CDH13: variants seen among roughly 807,000 people sequenced by gnomAD.
CDH13 encodes the protein cadherin 13.
A neutral mutation model predicts 63.8 loss-of-function variants in CDH13; 24 were observed. The ratio of observed to expected loss-of-function variants is 0.38; its 90% CI spans 0.27 to 0.53. The LOEUF is 0.53. Ranked by LOEUF, CDH13 falls within the 20% of genes least tolerant of loss-of-function variation. The pLI is 0.85. For synonymous variants in CDH13, 503 were observed against 355.3 expected (o/e 1.42, Z -4.67); for missense variants, 1,049 against 903.1 (o/e 1.16, Z -2.07).
intron 2 of CDH13, among the ~76,000 whole-genome samples, chr16:82,992,557 G>A (rs1911775065): frequency 6.6e-6 from 1 of 152,146 alleles, no homozygotes; most frequent in Admixed American, 6.5e-5. Flanking sequence ...ATTCTGCAGT[G>A]TTCTGGAACA....
intron 6 of CDH13, among the ~76,000 whole-genome samples, chr16:83,424,654 A>G (rs368924675): frequency 3.9e-5 from 6 of 152,244 alleles, no homozygotes; most frequent in African/African-American, 1.4e-4. Context: ...ACATTTTCAT[A>G]AATGGTTTTG....
At chr16:83,149,877 T>G (rs964111241) in intron 4 of CDH13, among the ~76,000 whole-genome samples, 1 of 152,212 alleles carries the variant, frequency 6.6e-6, no homozygotes, top group African/African-American at 2.4e-5. Context: ...AAACAAATAT[T>G]ACAAGTCAGG....
intron 1 of CDH13, among the ~76,000 whole-genome samples, chr16:82,676,330 C>T (rs944563812): frequency 5.3e-5 from 8 of 152,052 alleles, no homozygotes; most frequent in Admixed American, 3.3e-4. Context: ...CTAGTGTTCC[C>T]TACCTCATTC....
intron 11 of CDH13, among the ~76,000 whole-genome samples, chr16:83,774,152 A>G (rs1914948479): frequency 6.6e-6 from 1 of 152,174 alleles, no homozygotes; most frequent in Non-Finnish European, 1.5e-5. Flanking sequence ...TTTACTGTGC[A>G]TGGCCGGTGA....
chr16:83,248,873 C>T (rs190956123), intron 5 of CDH13, among the ~76,000 whole-genome samples: 1 of 152,324 alleles, frequency 6.6e-6, no homozygotes, highest in African/African-American at 2.4e-5. Flanking sequence ...TTGAATCATC[C>T]TCAAATGTGA....
At chr16:83,409,052 C>G (rs554125154) in intron 6 of CDH13, among the ~76,000 whole-genome samples, 55 of 151,958 alleles carry the variant, frequency 3.6e-4, no homozygotes, top group African/African-American at 1.2e-3. Context: ...GATGCTGAGG[C>G]AAGAAATCAA....
At chr16:83,551,056 A>ATATCTATCTATC (rs61159679) in intron 7 of CDH13, among the ~76,000 whole-genome samples, 14,350 of 148,056 alleles carry the variant, frequency 0.097, 861 homozygotes, top group South Asian at 0.17. Flanking sequence ...TAAGTCATTT[A>ATATCTATCTATC]TATCTATCTA....
chr16:82,965,240 G>A (rs563584110), intron 2 of CDH13, among the ~76,000 whole-genome samples: 2 of 152,146 alleles, frequency 1.3e-5, no homozygotes, highest in Admixed American at 1.3e-4. Context: ...CTAATACTTT[G>A]CTTCTTCCCT....
At chr16:83,670,738 A>G in intron 8 of CDH13, 52 bp from the exon 9 acceptor site, 1 of 1,527,160 alleles carries the variant, frequency 6.5e-7, no homozygotes, top group Admixed American at 1.7e-5. Context: ...GCATGTAGTA[A>G]ATGACTATGT....
chr16:83,091,689 G>C (rs958612149), intron 3 of CDH13, among the ~76,000 whole-genome samples: 1 of 152,182 alleles, frequency 6.6e-6, no homozygotes, highest in African/African-American at 2.4e-5. Context: ...TAAGGTTATA[G>C]TGAAAAATAT....
At chr16:82,963,095 G>A (rs573834353) in intron 2 of CDH13, among the ~76,000 whole-genome samples, 7 of 152,220 alleles carry the variant, frequency 4.6e-5, no homozygotes, top group African/African-American at 1.4e-4. Flanking sequence ...AACAGGCCAG[G>A]TGTGGTGGCT....
intron 6 of CDH13, among the ~76,000 whole-genome samples, chr16:83,413,031 C>A (rs571445351): frequency 6.6e-6 from 1 of 152,096 alleles, no homozygotes; most frequent in Non-Finnish European, 1.5e-5. Flanking sequence ...CATTTTATTC[C>A]ACTGTGCACG....
chr16:82,701,002 T>C (rs1249100612), intron 1 of CDH13, among the ~76,000 whole-genome samples: 2 of 97,038 alleles, frequency 2.1e-5, no homozygotes, highest in Non-Finnish European at 3.9e-5. Flanking sequence ...ACTGCTGTCC[T>C]GTGGATAGCC....
chr16:83,614,853 C>A (rs2150768480), intron 8 of CDH13, among the ~76,000 whole-genome samples: 1 of 152,334 alleles, frequency 6.6e-6, no homozygotes, highest in South Asian at 2.1e-4. Context: ...ACAGTACCCA[C>A]TCCATCTCAT....
chr16:83,527,509 C>T (rs1452179318), intron 7 of CDH13, among the ~76,000 whole-genome samples: 1 of 152,124 alleles, frequency 6.6e-6, no homozygotes, highest in Non-Finnish European at 1.5e-5. Flanking sequence ...TTGTCTTCTG[C>T]GTTAACCGCA....
chr16:83,239,857 G>C (rs1904304806), intron 5 of CDH13, among the ~76,000 whole-genome samples: 1 of 152,150 alleles, frequency 6.6e-6, no homozygotes, highest in African/African-American at 2.4e-5. Flanking sequence ...GGAGGATGGG[G>C]AATTTGTGGG....
intron 5 of CDH13, among the ~76,000 whole-genome samples, chr16:83,343,619 G>A (rs192654706): frequency 6.6e-6 from 1 of 152,286 alleles, no homozygotes; most frequent in Non-Finnish European, 1.5e-5. Flanking sequence ...AAGAATGTTT[G>A]TCTTTCATTT....
At chr16:82,720,732 A>T (rs558785355) in intron 1 of CDH13, among the ~76,000 whole-genome samples, 1 of 151,924 alleles carries the variant, frequency 6.6e-6, no homozygotes, top group Admixed American at 6.6e-5. Context: ...AAACAGCATT[A>T]TATGATGTCT....
rs572415529 is a variant in CDH13, at chr16:83,249,088, A to G, written c.636+31591A>G. The stretch of plus-strand genomic sequence containing the variant: ...TAACTTTGAGTAGAGCAGTACTACT[A>G]AAACACAAATTCACCAACTTTTCTC... On this transcript the variant is annotated intron_variant, in intron 5 of 13. Transcript: ENST00000567109. Among the ~76,000 whole-genome samples the G allele has an allele frequency of 2.6e-5, 4 of 152,312 alleles. No individual in the cohort carries two copies. The South Asian group carries it at 6.2e-4, about 24-fold the overall frequency.
Sources: gnomAD v4.1 joint callset for allele counts (sites outside exome capture counted in the v4.1 genomes callset) on GRCh38, gnomAD v4.1.1 for gene constraint, MANE v1.5 for transcripts, NCBI Gene and HGNC (gene_info 2026-07-23, HGNC 2026-07-21) for gene names.